Variants in SCN8A observed in about 807,000 individuals in gnomAD.
SCN8A encodes the protein sodium voltage-gated channel alpha subunit 8.
In SCN8A, 30 loss-of-function variants were observed where a neutral mutation model predicts 184.1. The ratio of observed to expected loss-of-function variants is 0.16; its 90% CI spans 0.12 to 0.22. The LOEUF is 0.22. Ranked by LOEUF, SCN8A falls within the 10% of genes least tolerant of loss-of-function variation. The pLI is 1.00. For missense variants in SCN8A, 1,057 were observed against 2,498.9 expected (o/e 0.42, Z 12.30); for synonymous variants, 852 against 907.0 (o/e 0.94, Z 1.09).
At chr12:51,606,786 G>A (rs886997530) in intron 1 of SCN8A, among the ~76,000 whole-genome samples, 1 of 151,656 alleles carries the variant, frequency 6.6e-6, no homozygotes, top group Non-Finnish European at 1.5e-5. Context: ...AGTTTTCTTT[G>A]TAGAGGTCTT....
chr12:51,762,467 A>G lies in SCN8A; in HGVS notation c.2371-36A>G, dbSNP rs547564580. 5.2e-5 allele frequency: 82 copies of G among 1,585,046 alleles called. 2 individuals carry two copies. The South Asian group carries it at 8.1e-4, about 16-fold the overall frequency. Reference sequence around the variant, plus strand: ...ATGATAAAGGCATTCTCTTTCTACTATTTATTTTTCTTACCCCCTGCATCC... The same window carrying G: ...ATGATAAAGGCATTCTCTTTCTACTGTTTATTTTTCTTACCCCCTGCATCC... On this transcript the variant is annotated intron_variant, in intron 14 of 26. Transcript: ENST00000627620.
chr12:51,630,141 A>G (rs78574971), intron 1 of SCN8A, among the ~76,000 whole-genome samples: 3,003 of 152,206 alleles, frequency 0.02, 51 homozygotes, highest in Non-Finnish European at 0.032. Flanking sequence ...CATTTTTACC[A>G]TTTTTTAAGT....
At chr12:51,634,736 C>T (rs993670621) in intron 1 of SCN8A, among the ~76,000 whole-genome samples, 2 of 151,174 alleles carry the variant, frequency 1.3e-5, no homozygotes, top group Admixed American at 1.3e-4. Context: ...GCAACCTCCT[C>T]CTCCTGGGTT....
chr12:51,745,700 A>G (rs920034326), intron 12 of SCN8A, among the ~76,000 whole-genome samples: 5 of 152,150 alleles, frequency 3.3e-5, no homozygotes, highest in African/African-American at 1.2e-4. Flanking sequence ...ACAGACTTAA[A>G]TGACTTCATC....
intron 1 of SCN8A, among the ~76,000 whole-genome samples, chr12:51,618,211 C>T (rs1397393676): frequency 2.0e-5 from 3 of 152,104 alleles, no homozygotes; most frequent in African/African-American, 7.2e-5. Context: ...CCCAGCTTCC[C>T]TGGTCAGGGA....
At chr12:51,684,855 T>A (rs769672609) in intron 3 of SCN8A, among the ~76,000 whole-genome samples, 3 of 152,172 alleles carry the variant, frequency 2.0e-5, no homozygotes, top group Non-Finnish European at 2.9e-5. Flanking sequence ...AATAGAAAAA[T>A]GCCAATTTAT....
intron 1 of SCN8A, among the ~76,000 whole-genome samples, chr12:51,606,937 G>A (rs765523790): frequency 9.3e-5 from 14 of 149,802 alleles, no homozygotes; most frequent in Non-Finnish European, 1.6e-4. Context: ...TTGCTCTGTC[G>A]GCCAGGCTGG....
At chr12:51,713,487 A>G in intron 11 of SCN8A, 1 of 766,732 alleles carries the variant, frequency 1.3e-6, no homozygotes, top group South Asian at 1.3e-5. Flanking sequence ...AGTTCAGACT[A>G]CCAATAAACA....
In SCN8A at chr12:51,807,568, C is replaced by G. The variant is rs1938746709; in HGVS notation, c.*139C>G. 2 of 898,592 alleles carry G rather than the reference C, an allele frequency of 2.2e-6. No individual in the cohort carries two copies. The highest frequency in any genetic ancestry group is 3.5e-6 in the Non-Finnish European group (2 of 577,090). The allele number at this position is 898,592 out of a possible 1,614,324, so 55.7% of individuals were successfully genotyped here. A position where few individuals can be genotyped will look rare whatever the true frequency, so the allele number is the denominator to read the frequency against. ...TCTATACCAAACGTCGTCTGCTTACCACGTAACACAGCTGCATCTTGAGCA... is the reference window on the plus strand; with the variant it reads ...TCTATACCAAACGTCGTCTGCTTACGACGTAACACAGCTGCATCTTGAGCA... On this transcript the variant is annotated 3_prime_UTR_variant, in exon 27 of 27. Coordinates refer to ENST00000627620, the MANE Select transcript of SCN8A (RefSeq NM_001330260.2). This position sits in a 1 kb window ranked among gnomAD's most constrained non-coding sequence, Gnocchi z 4.5.
chr12:51,801,803 C>T (rs548880044), intron 26 of SCN8A, among the ~76,000 whole-genome samples: 70 of 152,236 alleles, frequency 4.6e-4, no homozygotes, highest in African/African-American at 1.6e-3. Flanking sequence ...GCTTGTAATC[C>T]CAGCACTTTG....
rs1438139623 is a variant in SCN8A, at chr12:51,721,739, G to T, written c.1829G>T (p.Arg610Leu). Residue 610 changes from arginine (R) to leucine (L), a missense_variant, in exon 12 of 27, where the codon CGC (arginine) becomes CTC (leucine). Around this residue, in one of 19 missense-constraint regions of SCN8A, gnomAD observed 322 missense variants for 390.1 expected, o/e 0.83. Coordinates refer to ENST00000627620, the MANE Select transcript of SCN8A (RefSeq NM_001330260.2). ...SLFIPIRARE[R>L]RSSYSGYSGY... is the part of the protein sequence containing the mutation. ...TTCATCCCCATCCGGGCCCGCGAGC[G>T]CCGGAGCAGCTACAGCGGCTACAGC... The T allele has an allele frequency of 3.1e-6, 5 of 1,604,114 alleles. No individual in the cohort carries two copies. Among genetic ancestry groups the T allele is most frequent in the Non-Finnish European group, 4.3e-6 (5 of 1,175,426 alleles).
chr12:51,639,878 G>GTT (rs1565869570), intron 1 of SCN8A, among the ~76,000 whole-genome samples: 1 of 18,782 alleles, frequency 5.3e-5, no homozygotes, highest in Non-Finnish European at 1.2e-4. Context: ...TAAGGTATAT[G>GTT]CTTTTTTTTT....
chr12:51,745,226 T>G (rs1021749515), intron 12 of SCN8A, among the ~76,000 whole-genome samples: 7 of 152,186 alleles, frequency 4.6e-5, no homozygotes, highest in African/African-American at 1.4e-4. Context: ...ATTTGAACAT[T>G]GCAGGTTAAC....
At chr12:51,755,504 G>A (rs1942660234) in intron 14 of SCN8A, among the ~76,000 whole-genome samples, 2 of 152,138 alleles carry the variant, frequency 1.3e-5, no homozygotes, top group Admixed American at 6.5e-5. Context: ...GTCTTTTAGT[G>A]GAAAAATGGC....
chr12:51,679,925 CAT>C (rs920782496), intron 2 of SCN8A, among the ~76,000 whole-genome samples: 1 of 151,902 alleles, frequency 6.6e-6, no homozygotes, highest in African/African-American at 2.4e-5. Flanking sequence ...GGGGTTTTAC[CAT>C]ATTGGTCAGG....
At chr12:51,777,292 C>T (rs1024125911) in intron 20 of SCN8A, among the ~76,000 whole-genome samples, 13 of 151,760 alleles carry the variant, frequency 8.6e-5, no homozygotes, top group Non-Finnish European at 1.9e-4. Context: ...GTAGGTCTCA[C>T]CCTGCTGCCC....
intron 19 of SCN8A, among the ~76,000 whole-genome samples, chr12:51,771,828 G>A (rs1942929718): frequency 2.0e-5 from 3 of 152,318 alleles, no homozygotes; most frequent in African/African-American, 7.2e-5. Context: ...AGAAAAGAGA[G>A]GATCAGACTA....
intron 24 of SCN8A, among the ~76,000 whole-genome samples, 192 bp downstream of exon 24, chr12:51,789,610 A>G (rs141192435): frequency 0.011 from 1,614 of 152,308 alleles, 25 homozygotes; most frequent in African/African-American, 0.034. Flanking sequence ...TGCAGCATGT[A>G]GTTTACCACA....
intron 1 of SCN8A, among the ~76,000 whole-genome samples, chr12:51,629,666 C>T (rs1346178457): frequency 6.7e-6 from 1 of 149,720 alleles, no homozygotes; most frequent in African/African-American, 2.5e-5. Context: ...CCTTCCAATT[C>T]AGGGAGACTT....
Sources: allele counts gnomAD v4.1 joint callset (sites outside exome capture counted in the v4.1 genomes callset), GRCh38; gene constraint gnomAD v4.1.1; regional missense constraint gnomAD v4.1.1; non-coding constraint Gnocchi (gnomAD v3.1); transcripts MANE v1.5; gene names NCBI Gene and HGNC (gene_info 2026-07-23, HGNC 2026-07-21).